Variants in STXBP5L observed in about 807,000 individuals in gnomAD.
The protein encoded by STXBP5L is syntaxin binding protein 5L.
In STXBP5L, 65 loss-of-function variants were observed where a neutral mutation model predicts 144.5. The ratio of observed to expected loss-of-function variants is 0.45; its 90% confidence interval spans 0.37 to 0.55. The LOEUF (loss-of-function observed/expected upper bound fraction) is 0.55. Ranked by LOEUF, STXBP5L falls within the 20% of genes least tolerant of loss-of-function variation. STXBP5L has a pLI of 0.00. For missense variants in STXBP5L, 1,298 were observed against 1,405.5 expected, an observed-to-expected ratio of 0.92 and a Z score of 1.22; for synonymous variants, 505 against 469.6, an observed-to-expected ratio of 1.08 and a Z score of -0.97.
intron 22 of STXBP5L, among the ~76,000 whole-genome samples, chr3:121,389,431 T>G (rs2046517941): frequency 6.6e-6 from 1 of 152,240 alleles, no homozygotes; most frequent in East Asian, 1.9e-4. Flanking sequence ...TGTTAGCTTT[T>G]GAATTTGTTT....
At chr3:121,119,626 A>C (rs2044373456) in intron 6 of STXBP5L, among the ~76,000 whole-genome samples, 1 of 151,370 alleles carries the variant, frequency 6.6e-6, no homozygotes. Context: ...TTCAGAATCC[A>C]AAGTCCACAG....
At chr3:121,238,633 A>G (rs1418773300) in intron 12 of STXBP5L, among the ~76,000 whole-genome samples, 1 of 152,184 alleles carries the variant, frequency 6.6e-6, no homozygotes, top group Non-Finnish European at 1.5e-5. Flanking sequence ...TGCTTGGTTT[A>G]TTTTTAATGA....
intron 3 of STXBP5L, among the ~76,000 whole-genome samples, chr3:121,007,954 G>T (rs1399676002): frequency 6.6e-6 from 1 of 151,924 alleles, no homozygotes; most frequent in Non-Finnish European, 1.5e-5. Context: ...GGGAGAGTTA[G>T]TGGAAAAAAC....
chr3:121,221,872 G>C (rs1363744574), intron 10 of STXBP5L, among the ~76,000 whole-genome samples: 2 of 151,162 alleles, frequency 1.3e-5, no homozygotes, highest in Non-Finnish European at 3.0e-5. Context: ...TAGAAGCTTT[G>C]TTAAAAAAAA....
At chr3:120,962,386 C>T (rs1355114873) in intron 3 of STXBP5L, among the ~76,000 whole-genome samples, 1 of 152,174 alleles carries the variant, frequency 6.6e-6, no homozygotes. Flanking sequence ...CCTAGGTTTT[C>T]TTCTAGGGTT....
At chr3:121,239,917 T>G (rs996181860) in intron 13 of STXBP5L, among the ~76,000 whole-genome samples, 1 of 152,010 alleles carries the variant, frequency 6.6e-6, no homozygotes, top group Admixed American at 6.5e-5. Context: ...CTTCCTAGTT[T>G]ATAATTAATT....
intron 3 of STXBP5L, among the ~76,000 whole-genome samples, chr3:120,966,007 T>G (rs572602618): frequency 7.2e-5 from 11 of 152,298 alleles, no homozygotes; most frequent in African/African-American, 2.4e-4. Flanking sequence ...AAACTTCTCC[T>G]GTGACTTTAT....
intron 3 of STXBP5L, among the ~76,000 whole-genome samples, chr3:120,961,967 C>T (rs3108753): frequency 0.51 from 78,281 of 152,006 alleles, 20,600 homozygotes; most frequent in Admixed American, 0.6. Context: ...ATTGCCATTC[C>T]AACTGGCATG....
intron 2 of STXBP5L, among the ~76,000 whole-genome samples, chr3:120,913,845 A>G (rs1449662818): frequency 6.6e-6 from 1 of 152,062 alleles, no homozygotes; most frequent in Non-Finnish European, 1.5e-5. Context: ...TGGCCCATTG[A>G]AGGCAGTCAA....
intron 9 of STXBP5L, among the ~76,000 whole-genome samples, chr3:121,188,168 G>A (rs748793863): frequency 6.6e-6 from 1 of 152,148 alleles, no homozygotes; most frequent in African/African-American, 2.4e-5. Context: ...CTTGAACTCA[G>A]CTCTGCACCA....
At chr3:121,384,450 G>A (rs1376603626) in intron 22 of STXBP5L, among the ~76,000 whole-genome samples, 1 of 152,034 alleles carries the variant, frequency 6.6e-6, no homozygotes, top group Non-Finnish European at 1.5e-5. Context: ...GAATGCTAGA[G>A]CCCAGGAGTT....
intron 22 of STXBP5L, among the ~76,000 whole-genome samples, chr3:121,403,998 C>T (rs1394050714): frequency 6.6e-6 from 1 of 152,136 alleles, no homozygotes; most frequent in African/African-American, 2.4e-5. Flanking sequence ...AGCTTCATGC[C>T]TTTAAATGTC....
At chr3:121,217,877 T>A (rs1194013356) in intron 10 of STXBP5L, among the ~76,000 whole-genome samples, 1 of 151,518 alleles carries the variant, frequency 6.6e-6, no homozygotes, top group African/African-American at 2.4e-5. Flanking sequence ...TGACGTCTAT[T>A]TTATTGCTTG....
intron 19 of STXBP5L, among the ~76,000 whole-genome samples, chr3:121,298,096 A>G (rs2051731451): frequency 6.6e-6 from 1 of 152,146 alleles, no homozygotes; most frequent in African/African-American, 2.4e-5. Context: ...CATGCCCACC[A>G]ATAGTGCACA....
At chr3:121,033,440 A>T (rs1576723180) in intron 3 of STXBP5L, among the ~76,000 whole-genome samples, 1 of 103,968 alleles carries the variant, frequency 9.6e-6, no homozygotes, top group African/African-American at 3.7e-5. Context: ...GGGAGGGGGG[A>T]GGGATAGCAT....
chr3:121,213,065 C>T (rs1339992335), intron 10 of STXBP5L, among the ~76,000 whole-genome samples: 1 of 152,120 alleles, frequency 6.6e-6, no homozygotes, highest in Non-Finnish European at 1.5e-5. Context: ...AGTTTTGTAT[C>T]CTGAGACTTT....
chr3:120,941,489 T>C (rs903594005), intron 2 of STXBP5L, among the ~76,000 whole-genome samples: 1 of 151,790 alleles, frequency 6.6e-6, no homozygotes, highest in Non-Finnish European at 1.5e-5. Flanking sequence ...AAAGCTACTG[T>C]ACTTTTAAAA....
rs1330998050 is a variant in STXBP5L, at chr3:121,064,122, G to T, written c.470+18587G>T. ...GAAACCTAGGGCCCTGGTGGTGTAG[G>T]CTCCGGAGGGAATCTCCTGGTCTGC... On this transcript the variant is annotated intron_variant, in intron 5 of 26. Transcript: ENST00000471454. Among the ~76,000 whole-genome samples the T allele has an allele frequency of 3.3e-5, 5 of 152,010 alleles. No homozygotes were observed. The South Asian group carries it at 1.0e-3, about 32-fold the overall frequency.
chr3:121,030,813 A>G (rs997938917), intron 3 of STXBP5L, among the ~76,000 whole-genome samples: 92 of 152,234 alleles, frequency 6.0e-4, no homozygotes, highest in African/African-American at 2.1e-3. Flanking sequence ...TTGAGAATCA[A>G]TATTTTAGGA....
Sources: gnomAD v4.1 joint callset for allele counts (sites outside exome capture counted in the v4.1 genomes callset) on GRCh38, gnomAD v4.1.1 for gene constraint, MANE v1.5 for transcripts, NCBI Gene and HGNC (gene_info 2026-07-23, HGNC 2026-07-21) for gene names.